Variants in RAD51B observed in about 807,000 individuals in gnomAD.
RAD51B encodes RAD51 paralog B, also known as DNA repair protein RAD51 homolog 2.
Under a neutral mutation model 42.2 loss-of-function variants are expected in RAD51B, and 38 were observed. That is an observed-to-expected ratio of 0.90 (90% CI 0.70 to 1.18). The LOEUF is 1.18. Ranked by LOEUF, RAD51B falls within the 50% of genes most tolerant of loss-of-function variation. The pLI is 0.00. For missense variants in RAD51B, 373 were observed against 400.7 expected (o/e 0.93, Z 0.59); for synonymous variants, 154 against 145.2 (o/e 1.06, Z -0.43).
chr14:68,436,543 G>A (rs1331015469), intron 9 of RAD51B, among the ~76,000 whole-genome samples: 1 of 152,078 alleles, frequency 6.6e-6, no homozygotes, highest in Non-Finnish European at 1.5e-5. Context: ...ACAGTTTTTT[G>A]TAATTCTGTG....
At chr14:68,106,383 CATT>C (rs766592432) in intron 7 of RAD51B, among the ~76,000 whole-genome samples, 11 of 151,888 alleles carry the variant, frequency 7.2e-5, no homozygotes, top group Admixed American at 2.0e-4. Flanking sequence ...GTTAATATAT[CATT>C]ATAATCAATA....
chr14:68,675,481 A>G (rs548132480), intron 11 of RAD51B, among the ~76,000 whole-genome samples: 17 of 152,300 alleles, frequency 1.1e-4, no homozygotes, highest in Non-Finnish European at 2.5e-4. Flanking sequence ...ACAGTAACAC[A>G]AAGTGCTAAG....
intron 7 of RAD51B, among the ~76,000 whole-genome samples, chr14:68,002,792 T>C (rs886903791): frequency 3.3e-5 from 5 of 152,130 alleles, no homozygotes; most frequent in African/African-American, 7.2e-5. Flanking sequence ...GGACTCCTTT[T>C]CCCATTGCTT....
intron 7 of RAD51B, among the ~76,000 whole-genome samples, chr14:67,889,582 T>TC: frequency 6.8e-6 from 1 of 146,870 alleles, no homozygotes; most frequent in Middle Eastern, 3.5e-3. Flanking sequence ...ATTCAGCTTT[T>TC]CCCCCCCTTT....
In RAD51B at chr14:67,887,033, G is replaced by T; in HGVS notation, c.585G>T (p.Leu195Phe). Residue 195 changes from leucine to phenylalanine, a missense_variant, in exon 7 of 11, where the codon TTG becomes TTT. Physicochemically the swap from Leu to Phe is conservative, Grantham distance 22 (BLOSUM62 0). Coordinates refer to ENST00000471583, the MANE Select transcript of RAD51B (RefSeq NM_133510.4). ...TCTTCTTTTATAGGATTGAATCTTTGGAAGAAGAAATTATCTCAAAAGGAA... is the reference window on the plus strand; with the variant it reads ...TCTTCTTTTATAGGATTGAATCTTTTGAAGAAGAAATTATCTCAAAAGGAA... ...CDEVLQRIES[L>F]EEEIISKGIK... 2 of 1,496,702 alleles carry T rather than the reference G, an allele frequency of 1.3e-6. No homozygotes were observed. The highest frequency in any genetic ancestry group is 9.1e-7 in the Non-Finnish European group (1 of 1,099,670). The allele number at this position is 1,496,702 out of a possible 1,614,324, so 92.7% of individuals were successfully genotyped here. A position where few individuals can be genotyped will look rare whatever the true frequency, so the allele number is the denominator to read the frequency against.
At chr14:68,366,362 AG>A (rs1437231154) in intron 8 of RAD51B, among the ~76,000 whole-genome samples, 2 of 152,230 alleles carry the variant, frequency 1.3e-5, no homozygotes, top group African/African-American at 4.8e-5. Flanking sequence ...AGCTAAAGCA[AG>A]ACTGAATCTA....
chr14:68,063,234 C>A (rs1311185046), intron 7 of RAD51B, among the ~76,000 whole-genome samples: 1 of 151,616 alleles, frequency 6.6e-6, no homozygotes, highest in Non-Finnish European at 1.5e-5. Context: ...TTTATTTTTG[C>A]TCTAATCTTT....
rs557865475 is a variant in RAD51B, at chr14:68,508,971, T to C, written c.1036+40721T>C. Among the ~76,000 whole-genome samples, 5 of 152,352 alleles carry C rather than the reference T, an allele frequency of 3.3e-5. No individual in the cohort carries two copies. In the South Asian group the frequency reaches 1.0e-3, roughly 32 times the overall value. The stretch of plus-strand genomic sequence containing the variant: ...CTCCATCACTGTGCCTGCCATGCAA[T>C]CATAATCCTCCCCTTTCTGTCTCTG... On this transcript the variant is annotated intron_variant, in intron 10 of 10. Coordinates refer to the RAD51B transcript ENST00000487270.
chr14:68,064,279 T>C (rs1374226688), intron 7 of RAD51B, among the ~76,000 whole-genome samples: 2 of 152,190 alleles, frequency 1.3e-5, no homozygotes, highest in Non-Finnish European at 2.9e-5. Flanking sequence ...GTGATTTTAT[T>C]CTCTCTTGGC....
intron 7 of RAD51B, among the ~76,000 whole-genome samples, chr14:68,152,058 G>A (rs2078400055): frequency 6.6e-6 from 1 of 151,690 alleles, no homozygotes; most frequent in East Asian, 1.9e-4. Context: ...TGGTCAGGCT[G>A]GTTTCGAACT....
At chr14:67,957,771 C>G (rs975499573) in intron 7 of RAD51B, among the ~76,000 whole-genome samples, 1 of 152,152 alleles carries the variant, frequency 6.6e-6, no homozygotes, top group South Asian at 2.1e-4. Flanking sequence ...TGGTTCATTT[C>G]AGCAGAAATC....
At chr14:68,498,533 T>C (rs1346264658) in intron 10 of RAD51B, among the ~76,000 whole-genome samples, 10 of 152,166 alleles carry the variant, frequency 6.6e-5, no homozygotes, top group Non-Finnish European at 1.5e-4. Flanking sequence ...GATCTAGTGT[T>C]CAGAGCTCCC....
intron 11 of RAD51B, among the ~76,000 whole-genome samples, chr14:68,671,445 C>G (rs995441662): frequency 2.0e-5 from 3 of 152,108 alleles, no homozygotes; most frequent in African/African-American, 7.2e-5. Flanking sequence ...AAACCCACCC[C>G]CTATCCTCCT....
intron 7 of RAD51B, among the ~76,000 whole-genome samples, chr14:67,962,804 G>T (rs2074697183): frequency 6.6e-6 from 1 of 152,098 alleles, no homozygotes; most frequent in South Asian, 2.1e-4. Flanking sequence ...AGAAAGTGTG[G>T]CAGTACAACA....
At chr14:68,093,321 A>T (rs1005031045) in intron 7 of RAD51B, among the ~76,000 whole-genome samples, 1 of 152,138 alleles carries the variant, frequency 6.6e-6, no homozygotes, top group Non-Finnish European at 1.5e-5. Context: ...CTGTGAATCC[A>T]TCTGGTCCTG....
chr14:68,241,343 C>T (rs2080381291), intron 7 of RAD51B, among the ~76,000 whole-genome samples: 2 of 152,158 alleles, frequency 1.3e-5, no homozygotes, highest in Admixed American at 1.3e-4. Context: ...GAGATTGAGA[C>T]CATCCTGGCT....
chr14:68,658,292 G>A (rs974506427), intron 11 of RAD51B, among the ~76,000 whole-genome samples: 3 of 152,210 alleles, frequency 2.0e-5, no homozygotes, highest in African/African-American at 4.8e-5. Context: ...GTCAGTGGGG[G>A]CTGCCCGGAC....
chr14:67,927,504 G>A (rs1232275987), intron 7 of RAD51B, among the ~76,000 whole-genome samples: 1 of 152,080 alleles, frequency 6.6e-6, no homozygotes, highest in Admixed American at 6.6e-5. Flanking sequence ...CCACCCTTCC[G>A]AGTCTCTGGT....
chr14:67,891,944 T>G (rs911676628), intron 7 of RAD51B, among the ~76,000 whole-genome samples: 1 of 152,218 alleles, frequency 6.6e-6, no homozygotes, highest in Non-Finnish European at 1.5e-5. Flanking sequence ...ATGAAGTCAC[T>G]CTGATTGTAA....
Sources: gnomAD v4.1 joint callset for allele counts (sites outside exome capture counted in the v4.1 genomes callset) on GRCh38, gnomAD v4.1.1 for gene constraint, MANE v1.5 for transcripts, NCBI Gene and HGNC (gene_info 2026-07-23, HGNC 2026-07-21) for gene names.